Variants in JARID2 observed in about 807,000 individuals in gnomAD.
JARID2 encodes protein Jumonji.
JARID2 carries 21 observed loss-of-function variants against 125.6 expected under a neutral mutation model. That is an observed-to-expected ratio of 0.17 (90% CI 0.12 to 0.24). The LOEUF is 0.24. Among genes scored for constraint, JARID2 ranks in the 10% least tolerant of loss-of-function variants. The pLI is 1.00. For missense variants in JARID2, 1,303 were observed against 1,639.6 expected (o/e 0.79, Z 3.55); for synonymous variants, 736 against 661.6 (o/e 1.11, Z -1.73).
In JARID2 at chr6:15,477,504, G is replaced by GTT. The variant is rs56055395; in HGVS notation, c.670+8806_670+8807dup. 6.5e-3 allele frequency among the ~76,000 whole-genome samples: 891 copies of GTT among 137,396 alleles called. 9 individuals are homozygous for GTT. The highest frequency in any genetic ancestry group is 0.011 in the East Asian group (54 of 4,720). The allele number at this position is 137,396 out of a possible 152,430, so 90.1% of individuals were successfully genotyped here. ...GTTGGAATATGGGATGGGAGTGTTG[G>GTT]TTTTTTTTTTTTTTTTTTTTTAAGA... On this transcript the variant is annotated intron_variant, in intron 5 of 17. Transcript: ENST00000341776.
chr6:15,496,574 C>T lies in JARID2; in HGVS notation c.1349C>T (p.Ala450Val), dbSNP rs771552957. ...AGGAGACTGGAAGAGGCACACCAGG[C>T]GGAGAAGCCGCAGTCGCCCCCCAAG... ...SKRRLEEAHQ[A>V]EKPQSPPKKM... The change falls in exon 7 of 18, where the codon GCG becomes GTG. Residue 450 changes from alanine (A) to valine (V), a missense_variant. Ala to Val is a moderately conservative substitution (Grantham distance 64). Coordinates refer to ENST00000341776, the MANE Select transcript of JARID2 (RefSeq NM_004973.4). 2.9e-5 allele frequency: 47 copies of T among 1,603,964 alleles called. 1 individual carries two copies. Among genetic ancestry groups the T allele is most frequent in the South Asian group, 2.0e-4 (18 of 90,262 alleles).
At position 15,464,769 on chromosome 6, in the gene JARID2, A is replaced by G. The variant is rs570223721; in HGVS notation, c.494-3773A>G. 1.5e-3 allele frequency among the ~76,000 whole-genome samples: 229 copies of G among 152,232 alleles called. 1 individual carries two copies. Among genetic ancestry groups the G allele is most frequent in the Non-Finnish European group, 2.6e-3 (180 of 68,026 alleles). On this transcript the variant is annotated intron_variant, in intron 4 of 17. Transcript: ENST00000341776. ...TCCCCATCTGATTTACGAATCCTTCATTACCCATTTTTCTTTGTTGATTCT... is the reference window on the plus strand; with the variant it reads ...TCCCCATCTGATTTACGAATCCTTCGTTACCCATTTTTCTTTGTTGATTCT...
chr6:15,334,391 A>G (rs934528160), intron 1 of JARID2, among the ~76,000 whole-genome samples: 1 of 151,510 alleles, frequency 6.6e-6, no homozygotes, highest in African/African-American at 2.5e-5. Flanking sequence ...TTCTGTTTCT[A>G]TAAAAATGTT....
rs778875717 is a variant in JARID2 at position 15,468,618 on chromosome 6, T to C, written c.570T>C (p.Asp190=). ...QDEEEVEEED[D]ETEDVKTATN... is the part of the protein sequence containing the mutation. Reference sequence around the variant, plus strand: ...AGGAGGAAGTCGAGGAGGAAGATGATGAGACAGAAGACGTCAAAACAGCCA... The same window carrying C: ...AGGAGGAAGTCGAGGAGGAAGATGACGAGACAGAAGACGTCAAAACAGCCA... The change falls in exon 5 of 18, where the codon GAT becomes GAC. Residue 190 remains aspartate (D), a synonymous_variant. Coordinates refer to ENST00000341776, the MANE Select transcript of JARID2 (RefSeq NM_004973.4). 6.2e-6 allele frequency: 10 copies of C among 1,614,006 alleles called. No homozygotes were observed. In the African/African-American group the frequency reaches 1.3e-4, roughly 22 times the overall value.
intron 3 of JARID2, among the ~76,000 whole-genome samples, chr6:15,444,893 C>T (rs1456425020): frequency 2.0e-5 from 3 of 151,320 alleles, no homozygotes; most frequent in African/African-American, 7.3e-5. Flanking sequence ...TTGGCATGTA[C>T]TTCCCTCAGC....
At chr6:15,489,672 CTGTGCAGGATCTTA>C (rs1241255578) in intron 6 of JARID2, among the ~76,000 whole-genome samples, 1 of 152,250 alleles carries the variant, frequency 6.6e-6, no homozygotes, top group Non-Finnish European at 1.5e-5. Flanking sequence ...GACCTGTTCC[CTGTGCAGGATCTTA>C]GGTGCAGGAA....
intron 3 of JARID2, among the ~76,000 whole-genome samples, chr6:15,441,134 C>T (rs1298267493): frequency 6.6e-6 from 1 of 152,036 alleles, no homozygotes; most frequent in Non-Finnish European, 1.5e-5. Context: ...TTTTCTGATA[C>T]TCACCAAAAA....
At chr6:15,354,203 C>T (rs56372492) in intron 1 of JARID2, among the ~76,000 whole-genome samples, 4,345 of 152,138 alleles carry the variant, frequency 0.029, 71 homozygotes, top group Middle Eastern at 0.061. Context: ...AAAAATGAGA[C>T]GAGAAGACAG....
At chr6:15,320,769 A>G (rs1361790854) in intron 1 of JARID2, among the ~76,000 whole-genome samples, 1 of 152,130 alleles carries the variant, frequency 6.6e-6, no homozygotes, top group East Asian at 1.9e-4. Context: ...TCATTTTCAT[A>G]TGCAATATAT....
At chr6:15,515,337 A>G (rs1217283485) in intron 16 of JARID2, among the ~76,000 whole-genome samples, 2 of 152,054 alleles carry the variant, frequency 1.3e-5, no homozygotes, top group Non-Finnish European at 2.9e-5. Context: ...GGAACACGCT[A>G]TTCATTTCCA....
At chr6:15,411,327 G>A (rs1765865652) in intron 3 of JARID2, among the ~76,000 whole-genome samples, 1 of 152,236 alleles carries the variant, frequency 6.6e-6, no homozygotes, top group East Asian at 1.9e-4. Context: ...TTAGCCATGT[G>A]TAGATATTTA....
chr6:15,455,211 A>C (rs551179010), intron 4 of JARID2, among the ~76,000 whole-genome samples: 1 of 151,392 alleles, frequency 6.6e-6, no homozygotes, highest in Admixed American at 6.6e-5. Context: ...AAAAAAAACA[A>C]TGGTGATATG....
At chr6:15,489,368 C>A (rs1382185306) in intron 6 of JARID2, among the ~76,000 whole-genome samples, 2 of 152,182 alleles carry the variant, frequency 1.3e-5, no homozygotes, top group East Asian at 3.9e-4. Context: ...TGAAGGGTGG[C>A]AGAGGACCTG....
intron 1 of JARID2, among the ~76,000 whole-genome samples, chr6:15,331,655 C>T (rs571187148): frequency 2.0e-5 from 3 of 152,088 alleles, no homozygotes; most frequent in East Asian, 1.9e-4. Context: ...CACCTGAGGT[C>T]GGGAGTTCGA....
chr6:15,277,710 G>A (rs968302989), intron 1 of JARID2, among the ~76,000 whole-genome samples: 3 of 150,596 alleles, frequency 2.0e-5, no homozygotes, highest in Admixed American at 6.6e-5. Flanking sequence ...CTGTTTAAAA[G>A]TAGTTATGAA....
intron 3 of JARID2, among the ~76,000 whole-genome samples, chr6:15,431,176 G>C (rs1359778456): frequency 6.6e-6 from 1 of 152,084 alleles, no homozygotes; most frequent in Non-Finnish European, 1.5e-5. Flanking sequence ...CTGCAATTCA[G>C]CCTAATTGAA....
At chr6:15,479,334 C>A (rs766303824) in intron 5 of JARID2, among the ~76,000 whole-genome samples, 1 of 152,070 alleles carries the variant, frequency 6.6e-6, no homozygotes, top group Non-Finnish European at 1.5e-5. Context: ...GTTGTCCTGA[C>A]CTTTATATTC....
chr6:15,403,042 A>G (rs949759096), intron 2 of JARID2, among the ~76,000 whole-genome samples: 3 of 152,140 alleles, frequency 2.0e-5, no homozygotes, highest in Non-Finnish European at 4.4e-5. Context: ...TCTGATTGTT[A>G]TAAAGGTCAT....
chr6:15,295,963 G>A (rs1761397304), intron 1 of JARID2, among the ~76,000 whole-genome samples: 1 of 152,136 alleles, frequency 6.6e-6, no homozygotes, highest in Admixed American at 6.5e-5. Context: ...GCCTGGCAGG[G>A]TTTTATACTT....
Sources: gnomAD v4.1 joint callset for allele counts (sites outside exome capture counted in the v4.1 genomes callset) on GRCh38, gnomAD v4.1.1 for gene constraint, MANE v1.5 for transcripts, NCBI Gene and HGNC (gene_info 2026-07-23, HGNC 2026-07-21) for gene names.